Variants in UNC13B observed in about 807,000 individuals in gnomAD.
UNC13B encodes protein unc-13 homolog B.
A neutral mutation model predicts 211.0 loss-of-function variants in UNC13B; 144 were observed. That is an observed-to-expected ratio of 0.68 (90% CI 0.60 to 0.78). The LOEUF (loss-of-function observed/expected upper bound fraction) is 0.78, where lower values mean the gene tolerates loss of function less well. UNC13B is among the 30% of genes least tolerant of loss of function. The probability of loss-of-function intolerance (pLI) is 0.00; values close to 1 mark genes in which losing one functional copy is unlikely to be tolerated. For missense variants in UNC13B, 1,777 were observed against 2,002.0 expected, an observed-to-expected ratio of 0.89 and a Z score of 2.14; for synonymous variants, 709 against 725.8, an observed-to-expected ratio of 0.98 and a Z score of 0.37.
At chr9:35,278,259 A>G (rs1176161697) in intron 7 of UNC13B, among the ~76,000 whole-genome samples, 2 of 152,140 alleles carry the variant, frequency 1.3e-5, no homozygotes, top group African/African-American at 4.8e-5. Flanking sequence ...TTTACTCCAG[A>G]TACGTAGAGT....
Position 35,378,350 on chromosome 9 carries a change from C to T in UNC13B, c.10119C>T (p.Tyr3373=), listed in dbSNP as rs144394180. 3.0e-5 allele frequency: 49 copies of T among 1,613,990 alleles called. No individual in the cohort carries two copies. Among genetic ancestry groups the T allele is most frequent in the Middle Eastern group, 1.6e-4 (1 of 6,084 alleles). ...AKDKTGSSDP[Y]VTVQVSKTKK... ...ACAAAACAGGATCCAGTGACCCTTA[C>T]GTGACTGTGCAAGTCAGCAAAACTA... Residue 3373 remains tyrosine, a synonymous_variant, in exon 17 of 40, where the codon TAC becomes TAT. Coordinates refer to ENST00000635942, the MANE Select transcript of UNC13B (RefSeq NM_001371189.2).
In UNC13B at chr9:35,396,339, G is replaced by T. The variant is rs1835872046; in HGVS notation, c.11309-137G>T. 5.7e-6 allele frequency: 6 copies of T among 1,061,404 alleles called. No individual in the cohort carries two copies. The South Asian group carries it at 9.6e-5, about 17-fold the overall frequency. 65.7% of individuals were successfully genotyped at this position (1,061,404 alleles called of 1,614,324 possible). A position where few individuals can be genotyped will look rare whatever the true frequency, so the allele number is the denominator to read the frequency against. On this transcript the variant is annotated intron_variant, in intron 26 of 39. Coordinates refer to ENST00000635942, the MANE Select transcript of UNC13B (RefSeq NM_001371189.2). The stretch of plus-strand genomic sequence containing the variant: ...AGAACACTGTTGGGGAGAGATGGCT[G>T]TGAGAAGGAGGTTGGGAGTCACCCT...
chr9:35,271,559 C>T (rs1376935036), intron 7 of UNC13B, among the ~76,000 whole-genome samples: 1 of 152,180 alleles, frequency 6.6e-6, no homozygotes, highest in Non-Finnish European at 1.5e-5. Context: ...GAGGGATAAA[C>T]TGGTCTGTTC....
chr9:35,211,001 C>T (rs1327131214), intron 1 of UNC13B, among the ~76,000 whole-genome samples: 1 of 152,114 alleles, frequency 6.6e-6, no homozygotes, highest in Non-Finnish European at 1.5e-5. Context: ...TTCCAAGTAG[C>T]TGGGACTACA....
intron 7 of UNC13B, among the ~76,000 whole-genome samples, chr9:35,285,974 A>G (rs1052021936): frequency 2.6e-4 from 39 of 152,166 alleles, no homozygotes; most frequent in African/African-American, 8.7e-4. Flanking sequence ...TGTACTTGCT[A>G]TACTCCCGTA....
intron 7 of UNC13B, among the ~76,000 whole-genome samples, chr9:35,272,802 A>G (rs781757823): frequency 9.9e-5 from 15 of 152,208 alleles, no homozygotes; most frequent in Non-Finnish European, 1.5e-4. Flanking sequence ...TGAAAATTCC[A>G]CGTAGCTTTT....
intron 11 of UNC13B, among the ~76,000 whole-genome samples, chr9:35,362,241 G>C (rs1303982928): frequency 1.3e-5 from 2 of 152,100 alleles, no homozygotes. Context: ...TGAGTGATTG[G>C]ATAGGGACAG....
At chr9:35,400,511 T>C (rs1346436182) in intron 37 of UNC13B, 68 bp downstream of exon 37, 6 of 1,532,356 alleles carry the variant, frequency 3.9e-6, no homozygotes, top group Non-Finnish European at 5.3e-6. Context: ...AGGGAGTCTG[T>C]ATCTTCATGC....
At chr9:35,201,515 C>T (rs1823287276) in intron 1 of UNC13B, among the ~76,000 whole-genome samples, 1 of 152,126 alleles carries the variant, frequency 6.6e-6, no homozygotes, top group African/African-American at 2.4e-5. Context: ...ATTTCAGAGC[C>T]TGTTATTGGT....
chr9:35,307,769 T>C lies in UNC13B; in HGVS notation c.8365T>C (p.Ser2789Pro), dbSNP rs1378505807. 1 of 398,924 alleles carries C rather than the reference T, an allele frequency of 2.5e-6. No individual in the cohort carries two copies. The highest frequency in any genetic ancestry group is 4.4e-6 in the Non-Finnish European group (1 of 226,096). 24.7% of individuals were successfully genotyped at this position (398,924 alleles called of 1,614,324 possible). A position where few individuals can be genotyped will look rare whatever the true frequency, so the allele number is the denominator to read the frequency against. The change falls in exon 9 of 40, where the codon TCT becomes CCT. Residue 2789 changes from serine to proline, a missense_variant. Transcript: ENST00000635942. ...TACTAACCATGGGAAACCACTGAGCTCTTTCTTTTCCTCACCTCTCCCCTC... is the reference window on the plus strand; with the variant it reads ...TACTAACCATGGGAAACCACTGAGCCCTTTCTTTTCCTCACCTCTCCCCTC... ...SATNHGKPLS[S>P]FFSSPLPSGN...
chr9:35,359,869 A>G (rs1405339709), intron 11 of UNC13B, among the ~76,000 whole-genome samples: 1 of 152,158 alleles, frequency 6.6e-6, no homozygotes, highest in Non-Finnish European at 1.5e-5. Flanking sequence ...TTCTCCTCAC[A>G]ACAATCAGAG....
Position 35,232,177 on chromosome 9 carries a change from CTTTTTTT to C in UNC13B, c.152+973_152+979del, listed in dbSNP as rs547048403. On this transcript the variant is annotated intron_variant, in intron 3 of 39. Coordinates refer to ENST00000635942, the MANE Select transcript of UNC13B (RefSeq NM_001371189.2). ...CCTCTGGGCTCTTGGTATATTGCTG[CTTTTTTT>C]TTTTTTTTTTTTTTGAGGCAGGATC... is the stretch of plus-strand genomic sequence containing the variant. Among the ~76,000 whole-genome samples the C allele has an allele frequency of 2.9e-4, 9 of 31,548 alleles. 1 individual carries two copies. Among genetic ancestry groups the C allele is most frequent in the South Asian group, 1.9e-3 (1 of 520 alleles). The allele number at this position is 31,548 out of a possible 152,430, so 20.7% of individuals were successfully genotyped here. A position where few individuals can be genotyped will look rare whatever the true frequency, so the allele number is the denominator to read the frequency against.
At chr9:35,167,028 A>G (rs773803993) in intron 1 of UNC13B, among the ~76,000 whole-genome samples, 11 of 152,168 alleles carry the variant, frequency 7.2e-5, no homozygotes, top group Non-Finnish European at 1.3e-4. Context: ...AAACTTTCTT[A>G]AAACATTATG....
At chr9:35,227,372 C>T (rs1196357739) in intron 1 of UNC13B, among the ~76,000 whole-genome samples, 1 of 152,040 alleles carries the variant, frequency 6.6e-6, no homozygotes, top group Non-Finnish European at 1.5e-5. Flanking sequence ...TCTCCTGTGG[C>T]ACGTAGCTCT....
chr9:35,385,310 TG>T, intron 22 of UNC13B: 1 of 985,458 alleles, frequency 1.0e-6, no homozygotes, highest in Non-Finnish European at 1.2e-6. Context: ...GACCTCAGTT[TG>T]GTCTGTAGTG....
At chr9:35,201,850 C>T (rs929029103) in intron 1 of UNC13B, among the ~76,000 whole-genome samples, 1 of 152,026 alleles carries the variant, frequency 6.6e-6, no homozygotes, top group African/African-American at 2.4e-5. Flanking sequence ...CAGTTCTGCT[C>T]TGATCTTAGT....
At chr9:35,362,966 G>T (rs148445929) in intron 11 of UNC13B, among the ~76,000 whole-genome samples, 4 of 152,302 alleles carry the variant, frequency 2.6e-5, no homozygotes, top group Middle Eastern at 3.4e-3. Context: ...ATCAGAGAAG[G>T]CTTCCCAGAA....
chr9:35,403,366 G>A, intron 38 of UNC13B, 74 bp from the exon 39 acceptor site: 1 of 1,604,138 alleles, frequency 6.2e-7, no homozygotes, highest in Non-Finnish European at 8.5e-7. Context: ...CCTCCTCCAA[G>A]GGGAAGGTCA....
intron 7 of UNC13B, among the ~76,000 whole-genome samples, chr9:35,271,330 G>A (rs1827868910): frequency 6.6e-6 from 1 of 152,070 alleles, no homozygotes; most frequent in African/African-American, 2.4e-5. Flanking sequence ...GGCCTCAGCT[G>A]GGAGTTGGTA....
Sources: gnomAD v4.1 joint callset for allele counts (sites outside exome capture counted in the v4.1 genomes callset) on GRCh38, gnomAD v4.1.1 for gene constraint, MANE v1.5 for transcripts, NCBI Gene and HGNC (gene_info 2026-07-23, HGNC 2026-07-21) for gene names.